ANKRD10: variants seen among roughly 807,000 people sequenced by gnomAD.
The protein encoded by ANKRD10 is ankyrin repeat domain-containing protein 10.
Under a neutral mutation model 27.0 loss-of-function variants are expected in ANKRD10, and 14 were observed. The observed-to-expected ratio is 0.52, with a 90% CI of 0.34 to 0.81. The LOEUF is 0.81. Ranked by LOEUF, ANKRD10 falls within the 40% of genes least tolerant of loss-of-function variation. The probability of loss-of-function intolerance (pLI) is 0.01; values close to 1 mark genes in which losing one functional copy is unlikely to be tolerated. For synonymous variants in ANKRD10, 250 were observed against 224.5 expected (o/e 1.11, Z -1.01); for missense variants, 493 against 544.0 (o/e 0.91, Z 0.93).
chr13:110,886,588 T>C (rs1300001787), intron 4 of ANKRD10, among the ~76,000 whole-genome samples: 1 of 152,208 alleles, frequency 6.6e-6, no homozygotes, highest in Non-Finnish European at 1.5e-5. Context: ...TTTAATTATG[T>C]TGTAAGCCAT....
intron 4 of ANKRD10, among the ~76,000 whole-genome samples, chr13:110,889,179 C>T (rs1181774898): frequency 6.6e-6 from 1 of 152,146 alleles, no homozygotes; most frequent in African/African-American, 2.4e-5. Context: ...ACCAAGAACG[C>T]TAGCAAACCT....
rs1450015965 is a variant in ANKRD10, at chr13:110,914,773, G to A, written c.162C>T (p.Asp54=). The A allele has an allele frequency of 6.3e-7, 1 of 1,599,274 alleles. No individual in the cohort carries two copies. The highest frequency in any genetic ancestry group is 2.3e-5 in the East Asian group (1 of 43,954). ...QTPHAHLASE[D]SFYGWTPVHW... ...GCACGGGCGTCCAGCCATAGAAGGA[G>A]TCCTCAGAGGCCAGGTGGGCGTGGG... The change falls in exon 1 of 6, where the codon GAC becomes GAT. Residue 54 remains aspartate (D), a synonymous_variant. Coordinates refer to ENST00000267339, the MANE Select transcript of ANKRD10 (RefSeq NM_017664.4).
chr13:110,896,523 T>A (rs1490214879), intron 3 of ANKRD10, among the ~76,000 whole-genome samples: 1 of 152,220 alleles, frequency 6.6e-6, no homozygotes, highest in Non-Finnish European at 1.5e-5. Context: ...CCTGCTCACA[T>A]TAAAAATCTT....
intron 3 of ANKRD10, among the ~76,000 whole-genome samples, chr13:110,905,421 G>C (rs1289356708): frequency 1.3e-5 from 2 of 152,130 alleles, no homozygotes; most frequent in Non-Finnish European, 2.9e-5. Flanking sequence ...TGTAAGCTGG[G>C]CTAAAACGAA....
intron 5 of ANKRD10, chr13:110,883,258 T>C (rs1405475250): frequency 6.5e-6 from 1 of 154,214 alleles, no homozygotes; most frequent in African/African-American, 2.4e-5. Context: ...TTGTGGTATA[T>C]TGGTTTGAAA....
chr13:110,902,400 C>A (rs1180245346), intron 3 of ANKRD10, among the ~76,000 whole-genome samples: 1 of 151,982 alleles, frequency 6.6e-6, no homozygotes, highest in Non-Finnish European at 1.5e-5. Flanking sequence ...CAATTATGAT[C>A]CAAACTAAGA....
chr13:110,881,248 C>G (rs185759419), intron 5 of ANKRD10, among the ~76,000 whole-genome samples: 87 of 152,296 alleles, frequency 5.7e-4, no homozygotes, highest in Non-Finnish European at 4.4e-5. Flanking sequence ...GAGCTCAGTT[C>G]TAATAACTTT....
At chr13:110,900,466 A>T in intron 3 of ANKRD10, 1 of 1,138,132 alleles carries the variant, frequency 8.8e-7, no homozygotes, top group Non-Finnish European at 1.1e-6. Flanking sequence ...CAAAGCATGC[A>T]AATCTAAAGC....
rs147670078 is a variant in ANKRD10 at position 110,883,399 on chromosome 13, C to T, written c.787+299G>A. 2.0e-4 allele frequency: 122 copies of T among 600,716 alleles called. No homozygotes were observed. In the African/African-American group the frequency reaches 2.1e-3, roughly 10 times the overall value. The allele number at this position is 600,716 out of a possible 1,614,324, so 37.2% of individuals were successfully genotyped here. On this transcript the variant is annotated intron_variant, in intron 5 of 5. Transcript: ENST00000267339. ...CAAATCAGAATAAAGATTGCACTTA[C>T]ATTTTTCATGTCCACAGAATATACC...
rs535358945 is a variant in ANKRD10 at position 110,915,021 on chromosome 13, C to T, written c.-87G>A. On this transcript the variant is annotated 5_prime_UTR_variant, in exon 1 of 6. Transcript: ENST00000267339. The stretch of plus-strand genomic sequence containing the variant: ...AAGCCGCCGCCGCAGCACAAAGGAA[C>T]GAGACTAGCGCCGCGGTCGCGTCCC... 2 of 1,465,030 alleles carry T rather than the reference C, an allele frequency of 1.4e-6. No homozygotes were observed. The highest frequency in any genetic ancestry group is 2.5e-5 in the East Asian group (1 of 39,384). 90.8% of individuals were successfully genotyped at this position (1,465,030 alleles called of 1,614,324 possible).
At chr13:110,894,048 G>A (rs554162934) in intron 3 of ANKRD10, 1 of 1,195,120 alleles carries the variant, frequency 8.4e-7, no homozygotes, top group African/African-American at 1.5e-5. Flanking sequence ...GATTCAAGTA[G>A]GAAGTGATGG....
In ANKRD10 at chr13:110,910,757, A is replaced by G. The variant is rs369883132; in HGVS notation, c.224T>C (p.Val75Ala). Residue 75 changes from valine (V) to alanine (A), a missense_variant, in exon 2 of 6, where the codon GTG becomes GCG. Physicochemically the swap from Val to Ala is moderately conservative, Grantham distance 64. Coordinates refer to ENST00000267339, the MANE Select transcript of ANKRD10 (RefSeq NM_017664.4). ...TGTGGCTCCCGCTCTCACCAACTGCACTAAGCACTCCAACTTCGAAAACAA... is the reference window on the plus strand; with the variant it reads ...TGTGGCTCCCGCTCTCACCAACTGCGCTAAGCACTCCAACTTCGAAAACAA... ...AAHFGKLECL[V>A]QLVRAGATLN... The G allele has an allele frequency of 1.2e-6, 2 of 1,613,800 alleles. No individual in the cohort carries two copies.
intron 4 of ANKRD10, among the ~76,000 whole-genome samples, chr13:110,885,274 T>C (rs189755175): frequency 7.3e-5 from 11 of 151,080 alleles, no homozygotes; most frequent in African/African-American, 2.4e-4. Context: ...AAAAAAGGGC[T>C]GGGCATGGTG....
At chr13:110,905,948 G>A in intron 3 of ANKRD10, 85 bp downstream of exon 3, 2 of 1,259,906 alleles carry the variant, frequency 1.6e-6, no homozygotes, top group South Asian at 1.4e-5. Context: ...AAAGTTTTAG[G>A]ACTTTTGCCT....
intron 1 of ANKRD10, 123 bp from the exon 2 acceptor site, chr13:110,910,893 A>G: frequency 9.6e-7 from 1 of 1,039,044 alleles, no homozygotes; most frequent in South Asian, 1.8e-5. Flanking sequence ...TTAACAGATT[A>G]AGTCACTCTT....
At position 110,906,038 on chromosome 13, in the gene ANKRD10, G is replaced by A. The variant is rs61757699; in HGVS notation, c.450C>T (p.His150=). Reference sequence around the variant, plus strand: ...AATAAACGAAAGACACTTACTCGACGTGAGCCCCATTCGCCACAAGGGCAC... The same window carrying A: ...AATAAACGAAAGACACTTACTCGACATGAGCCCCATTCGCCACAAGGGCAC... ...CISALVANGA[H]VDLRNASGLT... Residue 150 remains histidine (H), a synonymous_variant, in exon 3 of 6, where the codon CAC becomes CAT. Coordinates refer to ENST00000267339, the MANE Select transcript of ANKRD10 (RefSeq NM_017664.4). The A allele has an allele frequency of 2.6e-5, 41 of 1,595,534 alleles. No individual in the cohort carries two copies. The highest frequency in any genetic ancestry group is 1.7e-4 in the Middle Eastern group (1 of 6,058).
At chr13:110,894,206 T>TA (rs1187498367) in intron 3 of ANKRD10, 16 of 1,603,646 alleles carry the variant, frequency 1.0e-5, no homozygotes, top group Non-Finnish European at 1.3e-5. Context: ...AATAAACCTG[T>TA]AAAAAAGCAG....
Position 110,914,987 on chromosome 13 carries a change from G to C in ANKRD10, c.-53C>G. The stretch of plus-strand genomic sequence containing the variant: ...GCTGGCCTAGAGGACGCGTCGGGGA[G>C]GACTCGAGAAGCCGCCGCCGCAGCA... On this transcript the variant is annotated 5_prime_UTR_variant, in exon 1 of 6. Transcript: ENST00000267339. 6.7e-7 allele frequency: 1 copy of C among 1,499,912 alleles called. No individual in the cohort carries two copies. The highest frequency in any genetic ancestry group is 8.9e-7 in the Non-Finnish European group (1 of 1,129,304). The allele number at this position is 1,499,912 out of a possible 1,614,324, so 92.9% of individuals were successfully genotyped here.
At chr13:110,913,957 TAAG>T in intron 1 of ANKRD10, among the ~76,000 whole-genome samples, 1 of 152,264 alleles carries the variant, frequency 6.6e-6, no homozygotes, top group South Asian at 2.1e-4. Flanking sequence ...ATTTTCAGTT[TAAG>T]AAAAAAGAGG....
Sources: gnomAD v4.1 joint callset for allele counts (sites outside exome capture counted in the v4.1 genomes callset) on GRCh38, gnomAD v4.1.1 for gene constraint, MANE v1.5 for transcripts, NCBI Gene and HGNC (gene_info 2026-07-23, HGNC 2026-07-21) for gene names.